Variants in ATG7 observed in about 807,000 individuals in gnomAD.
ATG7 encodes the protein ubiquitin-like modifier-activating enzyme ATG7.
ATG7 carries 70 observed loss-of-function variants against 82.4 expected under a neutral mutation model. That is an observed-to-expected ratio of 0.85 (90% confidence interval 0.70 to 1.04). The LOEUF is 1.04. ATG7 is among the 50% of genes least tolerant of loss of function. The probability of loss-of-function intolerance (pLI) is 0.00; values close to 1 mark genes in which losing one functional copy is unlikely to be tolerated. For synonymous variants in ATG7, 287 were observed against 313.0 expected (o/e 0.92, Z 0.88); for missense variants, 792 against 864.3 (o/e 0.92, Z 1.05).
At chr3:11,386,232 T>C (rs764916594) in intron 19 of ATG7, among the ~76,000 whole-genome samples, 4 of 152,250 alleles carry the variant, frequency 2.6e-5, no homozygotes, top group African/African-American at 7.2e-5. Flanking sequence ...ATTGACACTT[T>C]ATTAGCTTTT....
At chr3:11,383,375 T>G (rs1385368005) in intron 19 of ATG7, among the ~76,000 whole-genome samples, 1 of 152,222 alleles carries the variant, frequency 6.6e-6, no homozygotes, top group Non-Finnish European at 1.5e-5. Context: ...TTATGAATTT[T>G]TGGTGGAAAT....
Position 11,362,825 on chromosome 3 carries a change from C to A in ATG7, c.1696C>A (p.Arg566=), listed in dbSNP as rs770968843. 1.9e-6 allele frequency: 3 copies of A among 1,613,936 alleles called. No individual in the cohort carries two copies. In the South Asian group the frequency reaches 3.3e-5, roughly 18 times the overall value. Residue 566 remains arginine (R), a synonymous_variant, in exon 17 of 21, where the codon CGG becomes AGG. Coordinates refer to ENST00000693202, the MANE Select transcript of ATG7 (RefSeq NM_001349232.2). The stretch of plus-strand genomic sequence containing the variant: ...TGTTTCTTTGCAGTCAACCAGAGAC[C>A]GGACCTTGGACCAGCAGTGCACTGT... ...VVAPGDSTRD[R]TLDQQCTVSR... is the part of the protein sequence containing the mutation.
chr3:11,545,726 C>A (rs144294953), intron 20 of ATG7, among the ~76,000 whole-genome samples: 49 of 152,104 alleles, frequency 3.2e-4, no homozygotes, highest in Non-Finnish European at 4.6e-4. Context: ...TGTCAGCCCC[C>A]CTGGCGGTTC....
intron 20 of ATG7, among the ~76,000 whole-genome samples, chr3:11,455,542 T>TG (rs2085620256): frequency 6.6e-6 from 1 of 152,166 alleles, no homozygotes; most frequent in Admixed American, 6.5e-5. Context: ...AATTCCTTCT[T>TG]CCGGTGACAT....
intron 19 of ATG7, among the ~76,000 whole-genome samples, chr3:11,415,015 G>A (rs1159022988): frequency 1.3e-5 from 2 of 152,202 alleles, no homozygotes; most frequent in Non-Finnish European, 1.5e-5. Flanking sequence ...ATATCGTAAA[G>A]TGTCCTTATA....
the ATG7 span, among the ~76,000 whole-genome samples, chr3:11,570,891 TG>T: frequency 6.6e-6 from 1 of 151,788 alleles, no homozygotes; most frequent in African/African-American, 2.4e-5. Context: ...CCCTTGTGAG[TG>T]GGAGAATTCA....
chr3:11,481,601 G>C (rs918608127), intron 20 of ATG7, among the ~76,000 whole-genome samples: 1 of 152,160 alleles, frequency 6.6e-6, no homozygotes, highest in African/African-American at 2.4e-5. Context: ...AATAAGAGCA[G>C]GATCTCCTCT....
chr3:11,434,692 T>C (rs955887953), intron 20 of ATG7, among the ~76,000 whole-genome samples: 14 of 152,368 alleles, frequency 9.2e-5, no homozygotes, highest in Middle Eastern at 3.4e-3. Context: ...TAAATCGTTA[T>C]TGGGGAAAGT....
At chr3:11,332,179 T>C (rs1339664002) in intron 10 of ATG7, among the ~76,000 whole-genome samples, 1 of 33,520 alleles carries the variant, frequency 3.0e-5, no homozygotes, top group African/African-American at 1.3e-4. Flanking sequence ...ATATCCCTTA[T>C]GATGAAATGT....
the ATG7 span, among the ~76,000 whole-genome samples, chr3:11,572,658 C>T: frequency 1.3e-5 from 2 of 152,324 alleles, no homozygotes; most frequent in African/African-American, 4.8e-5. Context: ...GCATGCTTCA[C>T]ACTCCAGCAT....
At chr3:11,389,232 C>CCAA (rs1553639557) in intron 19 of ATG7, among the ~76,000 whole-genome samples, 6 of 57,264 alleles carry the variant, frequency 1.0e-4, no homozygotes, top group African/African-American at 2.4e-4. Flanking sequence ...GACCCTGTCT[C>CCAA]AAAAAAAAAA....
At chr3:11,436,008 G>A (rs1328039439) in intron 20 of ATG7, among the ~76,000 whole-genome samples, 1 of 152,154 alleles carries the variant, frequency 6.6e-6, no homozygotes, top group Non-Finnish European at 1.5e-5. Context: ...GCTGGGGTGA[G>A]TGTATCGTTT....
chr3:11,494,767 C>T (rs538525093), intron 20 of ATG7, among the ~76,000 whole-genome samples: 2 of 152,228 alleles, frequency 1.3e-5, no homozygotes, highest in East Asian at 3.9e-4. Context: ...GGAGGGGACT[C>T]ATGCACTCTG....
chr3:11,560,761 CGGGACAGAGCTGCCCA>C (rs1411214819), downstream of ATG7, among the ~76,000 whole-genome samples: 8 of 152,150 alleles, frequency 5.3e-5, no homozygotes, highest in Non-Finnish European at 1.0e-4. Context: ...CACTTAGCAG[CGGGACAGAGCTGCCCA>C]GGGTTCGTAC....
chr3:11,402,589 C>T (rs2079942948), intron 19 of ATG7, among the ~76,000 whole-genome samples: 1 of 152,074 alleles, frequency 6.6e-6, no homozygotes, highest in Admixed American at 6.5e-5. Flanking sequence ...CATTCATTAA[C>T]ATATCACACA....
At chr3:11,477,356 T>C in intron 20 of ATG7, 6 of 1,089,016 alleles carry the variant, frequency 5.5e-6, no homozygotes, top group Non-Finnish European at 6.9e-6. Context: ...CAGTAATGAA[T>C]GTAAGTTTCT....
intron 20 of ATG7, chr3:11,477,440 C>A: frequency 2.0e-6 from 1 of 498,796 alleles, no homozygotes; most frequent in African/African-American, 2.1e-5. Flanking sequence ...CAAGCATCAG[C>A]ATGTTTTCTC....
chr3:11,302,549 G>A (rs1575285354), intron 5 of ATG7, among the ~76,000 whole-genome samples: 1 of 152,178 alleles, frequency 6.6e-6, no homozygotes, highest in African/African-American at 2.4e-5. Flanking sequence ...GTTCTCCAGA[G>A]CTCCTCTACT....
intron 6 of ATG7, 155 bp from the exon 7 acceptor site, chr3:11,308,829 A>G (rs566655310): frequency 1.4e-6 from 1 of 693,728 alleles, no homozygotes; most frequent in South Asian, 1.7e-5. Context: ...TGAAGTCGGC[A>G]GAGTGAGGTA....
Sources: allele counts gnomAD v4.1 joint callset (sites outside exome capture counted in the v4.1 genomes callset), GRCh38; gene constraint gnomAD v4.1.1; transcripts MANE v1.5; gene names NCBI Gene and HGNC (gene_info 2026-07-23, HGNC 2026-07-21).